ZFHX3: variants seen among roughly 807,000 people sequenced by gnomAD.
ZFHX3 encodes the protein zinc finger homeobox protein 3.
Under a neutral mutation model 279.1 loss-of-function variants are expected in ZFHX3, and 42 were observed. The ratio of observed to expected loss-of-function variants is 0.15; its 90% CI spans 0.12 to 0.19. The LOEUF is 0.19. Among genes scored for constraint, ZFHX3 ranks in the 10% least tolerant of loss-of-function variants. The pLI, the probability that ZFHX3 is intolerant of heterozygous loss-of-function variation, is 1.00. For missense variants in ZFHX3, 4,981 were observed against 4,754.0 expected, an observed-to-expected ratio of 1.05 and a Z score of -1.40; for synonymous variants, 2,293 against 1,957.8, an observed-to-expected ratio of 1.17 and a Z score of -4.52.
intron 4 of ZFHX3, among the ~76,000 whole-genome samples, chr16:72,832,470 G>T (rs1415402078): frequency 6.6e-6 from 1 of 152,120 alleles, no homozygotes; most frequent in Non-Finnish European, 1.5e-5. Context: ...GTTATTTCAA[G>T]AACTTATTTT....
rs781097077 is a variant in ZFHX3, at chr16:72,797,936, G to A, written c.4746C>T (p.Thr1582=). The A allele has an allele frequency of 3.9e-5, 63 of 1,614,066 alleles. No homozygotes were observed. Among genetic ancestry groups the A allele is most frequent in the South Asian group, 9.9e-5 (9 of 91,080 alleles). Reference sequence around the variant, plus strand: ...GGCTGCTGGTGGGTTCTGGCTGACCGGTTGCTGATTCTTGAAGGGCTCTCT... The same window carrying A: ...GGCTGCTGGTGGGTTCTGGCTGACCAGTTGCTGATTCTTGAAGGGCTCTCT... ...KLKRALQESA[T]GQPEPTSSPD... Residue 1582 remains threonine (T), a synonymous_variant, in exon 9 of 10, where the codon ACC becomes ACT. Transcript: ENST00000268489.
In ZFHX3 at chr16:73,212,638, C is replaced by G. The variant is rs1401973048; in HGVS notation, c.-1104+44409G>C. ...CCTGGATCATTTGCTGATCTGCCCC[C>G]AGCTCATGACCGTCACCTGGAGCTG... is the stretch of plus-strand genomic sequence containing the variant. On this transcript the variant is annotated intron_variant, in intron 5 of 17. Transcript: ENST00000641206. 3.3e-5 allele frequency among the ~76,000 whole-genome samples: 5 copies of G among 152,224 alleles called. 1 individual carries two copies. Among genetic ancestry groups the G allele is most frequent in the Non-Finnish European group, 5.9e-5 (4 of 68,040 alleles).
chr16:72,980,145 C>CTG (rs1962525892), intron 1 of ZFHX3, among the ~76,000 whole-genome samples: 2 of 152,118 alleles, frequency 1.3e-5, no homozygotes, highest in African/African-American at 2.4e-5. Flanking sequence ...GGTTTGCTGA[C>CTG]GTCAGAGAGC....
intron 3 of ZFHX3, among the ~76,000 whole-genome samples, chr16:72,916,219 G>A (rs188599554): frequency 1.9e-3 from 296 of 152,050 alleles, no homozygotes; most frequent in African/African-American, 6.9e-3. Flanking sequence ...GGTGACTACT[G>A]CTGTTATTAC....
At chr16:73,663,572 A>C (rs1416123800) in intron 2 of ZFHX3, among the ~76,000 whole-genome samples, 1 of 152,228 alleles carries the variant, frequency 6.6e-6, no homozygotes, top group Non-Finnish European at 1.5e-5. Flanking sequence ...CTGGCTTTCC[A>C]AGATAGCAAG....
chr16:73,603,045 G>C (rs191795149), intron 2 of ZFHX3, among the ~76,000 whole-genome samples: 2 of 152,064 alleles, frequency 1.3e-5, no homozygotes, highest in African/African-American at 4.8e-5. Context: ...CAGCACTTTG[G>C]GAGGCCGAGG....
intron 7 of ZFHX3, among the ~76,000 whole-genome samples, chr16:73,094,211 T>C (rs960256799): frequency 6.6e-6 from 1 of 152,306 alleles, no homozygotes; most frequent in African/African-American, 2.4e-5. Flanking sequence ...AGGCATAGTT[T>C]AGGTATTTTT....
chr16:73,466,731 A>T (rs2018580330), intron 2 of ZFHX3, among the ~76,000 whole-genome samples: 1 of 152,188 alleles, frequency 6.6e-6, no homozygotes. Flanking sequence ...AACTAACCCC[A>T]GTAGGCACCT....
chr16:73,389,303 G>A (rs1477403), intron 3 of ZFHX3: 93,896 of 152,088 alleles, frequency 0.62, 29,539 homozygotes, highest in Non-Finnish European at 0.68. Context: ...GCACTAGAAC[G>A]GGGTGGAGTA....
At chr16:73,326,140 G>A (rs62057268) in intron 3 of ZFHX3, among the ~76,000 whole-genome samples, 59,409 of 152,074 alleles carry the variant, frequency 0.39, 13,318 homozygotes, top group Non-Finnish European at 0.52. Context: ...CATGGTCTCA[G>A]GGTCTGCAGT....
At chr16:72,937,305 G>T (rs1050379912) in intron 3 of ZFHX3, among the ~76,000 whole-genome samples, 1 of 152,160 alleles carries the variant, frequency 6.6e-6, no homozygotes. Flanking sequence ...GGGGCTCTGG[G>T]ACAAGCCTGG....
At chr16:73,422,373 C>G (rs2017734240) in intron 3 of ZFHX3, among the ~76,000 whole-genome samples, 1 of 152,174 alleles carries the variant, frequency 6.6e-6, no homozygotes. Flanking sequence ...CCTCCCACCA[C>G]TCATGCTAAA....
intron 4 of ZFHX3, among the ~76,000 whole-genome samples, chr16:72,879,368 A>G (rs149790754): frequency 1.3e-4 from 20 of 152,232 alleles, no homozygotes; most frequent in African/African-American, 4.8e-4. Flanking sequence ...ACCACACACA[A>G]GCCCAGGGAG....
chr16:73,229,207 C>T (rs1358789482), intron 5 of ZFHX3, among the ~76,000 whole-genome samples: 3 of 152,160 alleles, frequency 2.0e-5, no homozygotes, highest in Non-Finnish European at 4.4e-5. Context: ...TCTCTGCTCA[C>T]AGCAACAAAC....
At chr16:73,574,193 G>C (rs764114001) in intron 2 of ZFHX3, among the ~76,000 whole-genome samples, 2 of 152,092 alleles carry the variant, frequency 1.3e-5, no homozygotes, top group African/African-American at 4.8e-5. Flanking sequence ...AAAAAGAAAT[G>C]GTCTCATTAT....
At chr16:73,229,609 G>T (rs8054577) in intron 5 of ZFHX3, among the ~76,000 whole-genome samples, 1 of 152,000 alleles carries the variant, frequency 6.6e-6, no homozygotes, top group South Asian at 2.1e-4. Flanking sequence ...ACATGCAGAC[G>T]TTATCTGAAA....
intron 2 of ZFHX3, among the ~76,000 whole-genome samples, chr16:73,589,645 G>A (rs1046060153): frequency 7.2e-6 from 1 of 139,006 alleles, no homozygotes; most frequent in Non-Finnish European, 1.5e-5. Context: ...CAGGAGAATG[G>A]CATGAATCCG....
intron 2 of ZFHX3, among the ~76,000 whole-genome samples, chr16:73,510,798 T>G (rs1365656291): frequency 1.3e-5 from 2 of 152,258 alleles, no homozygotes; most frequent in African/African-American, 4.8e-5. Flanking sequence ...TCCATGTCCT[T>G]GCTCTGGCCA....
At chr16:73,620,463 G>A (rs1276120926) in intron 2 of ZFHX3, among the ~76,000 whole-genome samples, 1 of 152,218 alleles carries the variant, frequency 6.6e-6, no homozygotes, top group Non-Finnish European at 1.5e-5. Flanking sequence ...TTCAGTGGCT[G>A]TCAGGGGTGG....
Sources: gnomAD v4.1 joint callset for allele counts (sites outside exome capture counted in the v4.1 genomes callset) on GRCh38, gnomAD v4.1.1 for gene constraint, MANE v1.5 for transcripts, NCBI Gene and HGNC (gene_info 2026-07-23, HGNC 2026-07-21) for gene names.